The following TECRL variants were observed in gnomAD, a reference collection of about 807,000 sequenced individuals.
TECRL encodes the protein trans-2,3-enoyl-CoA reductase-like.
Under a neutral mutation model 52.8 loss-of-function variants are expected in TECRL, and 63 were observed. That is an observed-to-expected ratio of 1.19 (90% CI 0.97 to 1.47). The LOEUF is 1.47. Ranked by LOEUF, TECRL falls within the 40% of genes most tolerant of loss-of-function variation. TECRL has a pLI of 0.00. For missense variants in TECRL, 482 were observed against 429.6 expected, an observed-to-expected ratio of 1.12 and a Z score of -1.08; for synonymous variants, 164 against 141.9, an observed-to-expected ratio of 1.16 and a Z score of -1.10.
chr4:64,283,717 C>A (rs1722943482), intron 9 of TECRL, among the ~76,000 whole-genome samples: 1 of 152,024 alleles, frequency 6.6e-6, no homozygotes, highest in South Asian at 2.1e-4. Flanking sequence ...TAGTCAAACT[C>A]TAAAGAATGT....
intron 8 of TECRL, among the ~76,000 whole-genome samples, chr4:64,295,661 G>A (rs1232396797): frequency 6.6e-6 from 1 of 151,650 alleles, no homozygotes; most frequent in Non-Finnish European, 1.5e-5. Flanking sequence ...TTTTTTCACA[G>A]GAGTTCTTTT....
At chr4:64,383,135 G>T (rs1722937275) in intron 1 of TECRL, among the ~76,000 whole-genome samples, 1 of 152,170 alleles carries the variant, frequency 6.6e-6, no homozygotes, top group Non-Finnish European at 1.5e-5. Flanking sequence ...TGAGAACTTA[G>T]CTGTTTGATG....
At chr4:64,409,077 C>CAA in intron 1 of TECRL, 41 bp downstream of exon 1, 1 of 1,489,442 alleles carries the variant, frequency 6.7e-7, no homozygotes, top group Non-Finnish European at 9.1e-7. Flanking sequence ...AGAGAAGAAA[C>CAA]ACTTAAACAA....
chr4:64,300,069 C>A, intron 7 of TECRL, 52 bp from the exon 8 acceptor site: 1 of 1,369,376 alleles, frequency 7.3e-7, no homozygotes, highest in South Asian at 1.4e-5. Context: ...TTTGGATTGT[C>A]AAATATATAG....
intron 3 of TECRL, 78 bp downstream of exon 3, chr4:64,328,434 G>T: frequency 8.1e-7 from 1 of 1,235,460 alleles, no homozygotes; most frequent in South Asian, 1.3e-5. Context: ...TTTGCAAAGT[G>T]ATAAGTGAAT....
chr4:64,367,151 G>A (rs186631897), intron 2 of TECRL, among the ~76,000 whole-genome samples: 1 of 152,214 alleles, frequency 6.6e-6, no homozygotes, highest in African/African-American at 2.4e-5. Flanking sequence ...ACCAAATACT[G>A]TGTGTTCTCA....
intron 1 of TECRL, among the ~76,000 whole-genome samples, chr4:64,403,997 A>G (rs757927975): frequency 1.3e-5 from 2 of 152,090 alleles, no homozygotes; most frequent in African/African-American, 2.4e-5. Flanking sequence ...TATGCTAAGT[A>G]TCATGTACAA....
intron 2 of TECRL, among the ~76,000 whole-genome samples, chr4:64,344,760 A>G (rs1719831852): frequency 6.6e-6 from 1 of 152,194 alleles, no homozygotes; most frequent in Non-Finnish European, 1.5e-5. Context: ...CAAAATGACA[A>G]TCTGAAAACG....
intron 9 of TECRL, among the ~76,000 whole-genome samples, chr4:64,287,890 T>C (rs1324633576): frequency 6.6e-6 from 1 of 152,122 alleles, no homozygotes; most frequent in African/African-American, 2.4e-5. Flanking sequence ...CTCATGTCTG[T>C]AATCCCAGCA....
At chr4:64,347,007 G>A (rs185994052) in intron 2 of TECRL, among the ~76,000 whole-genome samples, 1 of 152,264 alleles carries the variant, frequency 6.6e-6, no homozygotes, top group East Asian at 1.9e-4. Context: ...CCAGAATTGT[G>A]TTATTTGACA....
chr4:64,281,706 T>G, intron 9 of TECRL, 147 bp from the exon 10 acceptor site: 1 of 524,762 alleles, frequency 1.9e-6, no homozygotes. Context: ...TGCAAATTAC[T>G]CAGAAGAGAC....
chr4:64,354,347 C>A (rs1325371738), intron 2 of TECRL, among the ~76,000 whole-genome samples: 1 of 152,028 alleles, frequency 6.6e-6, no homozygotes, highest in Non-Finnish European at 1.5e-5. Flanking sequence ...AATTTGCTTA[C>A]CCTTTAAAAG....
At chr4:64,361,115 C>A (rs1024261122) in intron 2 of TECRL, among the ~76,000 whole-genome samples, 5 of 152,128 alleles carry the variant, frequency 3.3e-5, no homozygotes, top group African/African-American at 7.2e-5. Context: ...CATGACTGCA[C>A]CCACTTGCAG....
chr4:64,335,944 C>G (rs141096297), intron 2 of TECRL, among the ~76,000 whole-genome samples: 1 of 152,010 alleles, frequency 6.6e-6, no homozygotes, highest in Non-Finnish European at 1.5e-5. Flanking sequence ...ATTTTTGCAT[C>G]GATGTTCATC....
intron 2 of TECRL, among the ~76,000 whole-genome samples, chr4:64,362,071 A>G (rs918225973): frequency 7.9e-5 from 12 of 152,200 alleles, no homozygotes; most frequent in African/African-American, 2.9e-4. Flanking sequence ...GAAAGCATTC[A>G]TAATATAATT....
At chr4:64,395,610 A>G (rs1332292083) in intron 1 of TECRL, among the ~76,000 whole-genome samples, 1 of 152,200 alleles carries the variant, frequency 6.6e-6, no homozygotes, top group Non-Finnish European at 1.5e-5. Flanking sequence ...GGGCAAACTG[A>G]GATTATTTCC....
chr4:64,316,347 T>C (rs1179167942), intron 4 of TECRL, among the ~76,000 whole-genome samples: 2 of 152,124 alleles, frequency 1.3e-5, no homozygotes, highest in South Asian at 2.1e-4. Context: ...ATATAAAATA[T>C]GTTTTAGAAG....
intron 8 of TECRL, among the ~76,000 whole-genome samples, chr4:64,293,529 T>C (rs1723509492): frequency 6.6e-6 from 1 of 152,206 alleles, no homozygotes; most frequent in Non-Finnish European, 1.5e-5. Context: ...AAGTTGCTCA[T>C]CTTTTACTGT....
At chr4:64,394,427 AGAATGTATT>A (rs1460387188) in intron 1 of TECRL, among the ~76,000 whole-genome samples, 1 of 152,198 alleles carries the variant, frequency 6.6e-6, no homozygotes, top group Non-Finnish European at 1.5e-5. Context: ...ATGCGCCTCC[AGAATGTATT>A]CATTCCACAG....
Sources: gnomAD v4.1 joint callset for allele counts (sites outside exome capture counted in the v4.1 genomes callset) on GRCh38, gnomAD v4.1.1 for gene constraint, MANE v1.5 for transcripts, NCBI Gene and HGNC (gene_info 2026-07-23, HGNC 2026-07-21) for gene names.